The following ATIC variants were observed in gnomAD, a reference collection of about 807,000 sequenced individuals.
ATIC encodes the protein bifunctional purine biosynthesis protein ATIC.
A neutral mutation model predicts 72.5 loss-of-function variants in ATIC; 64 were observed. That is an observed-to-expected ratio of 0.88 (90% CI 0.72 to 1.09). ATIC has a LOEUF of 1.09. Ranked by LOEUF, ATIC falls within the 50% of genes least tolerant of loss-of-function variation. ATIC has a pLI of 0.00. For missense variants in ATIC, 787 were observed against 732.4 expected, an observed-to-expected ratio of 1.07 and a Z score of -0.86; for synonymous variants, 281 against 267.1, an observed-to-expected ratio of 1.05 and a Z score of -0.51.
At chr2:215,321,669 T>C (rs1039470454) in intron 4 of ATIC, among the ~76,000 whole-genome samples, 2 of 152,238 alleles carry the variant, frequency 1.3e-5, no homozygotes, top group Non-Finnish European at 2.9e-5. Context: ...ATTCTAGTCA[T>C]TCTAGGGGTT....
chr2:215,321,148 A>G (rs1440660770), intron 4 of ATIC, among the ~76,000 whole-genome samples: 1 of 152,148 alleles, frequency 6.6e-6, no homozygotes, highest in Non-Finnish European at 1.5e-5. Flanking sequence ...CCATTTCCCC[A>G]ACGTCCTCCA....
chr2:215,352,391 G>A (rs565077927), downstream of ATIC, among the ~76,000 whole-genome samples: 5 of 152,238 alleles, frequency 3.3e-5, no homozygotes, highest in Middle Eastern at 3.4e-3. Context: ...AGACCAGCCT[G>A]GCCAACATAG....
At chr2:215,355,666 A>C in the ATIC span, among the ~76,000 whole-genome samples, 1 of 152,238 alleles carries the variant, frequency 6.6e-6, no homozygotes, top group African/African-American at 2.4e-5. Context: ...CTTTAAAAGA[A>C]ATTGTAATGA....
At chr2:215,360,836 C>G in the ATIC span, 1 of 152,532 alleles carries the variant, frequency 6.6e-6, no homozygotes, top group Non-Finnish European at 1.5e-5. Context: ...CCGAAGGTGT[C>G]TTATATCAAA....
Position 215,326,976 on chromosome 2 carries a change from C to T in ATIC, c.686C>T (p.Thr229Ile), listed in dbSNP as rs1279103815. Reference protein sequence around the residue: ...LYTLQPKLPITVLNGAPGFIN... With the variant: ...LYTLQPKLPIIVLNGAPGFIN... ...ACACTGCAGCCCAAGCTTCCCATCA[C>T]AGGTAAAGCCCGAGCGTTCTGTGGC... The change falls in exon 7 of 16, where the codon ACA becomes ATA. Residue 229 changes from threonine to isoleucine, a missense_variant and splice_region_variant. Transcript: ENST00000236959. 2 of 1,614,202 alleles carry T rather than the reference C, an allele frequency of 1.2e-6. No individual in the cohort carries two copies. The highest frequency in any genetic ancestry group is 3.3e-5 in the Admixed American group (2 of 60,024).
At chr2:215,334,037 G>A (rs1224335835) in intron 9 of ATIC, among the ~76,000 whole-genome samples, 6 of 143,114 alleles carry the variant, frequency 4.2e-5, no homozygotes, top group Admixed American at 1.4e-4. Flanking sequence ...GCGATACTCC[G>A]TCTCAAAAAA....
chr2:215,325,443 G>A (rs896222998), intron 5 of ATIC, 114 bp downstream of exon 5: 55 of 801,510 alleles, frequency 6.9e-5, no homozygotes, highest in South Asian at 9.2e-5. Context: ...GCTACTTCTG[G>A]ATTGTGTTTT....
At chr2:215,353,100 G>A (rs965187625), downstream of ATIC, among the ~76,000 whole-genome samples, 13 of 152,170 alleles carry the variant, frequency 8.5e-5, no homozygotes, top group African/African-American at 1.7e-4. Flanking sequence ...TTAAAAACAC[G>A]GACCATGTTT....
intron 7 of ATIC, among the ~76,000 whole-genome samples, chr2:215,328,223 C>T (rs1022799727): frequency 2.0e-5 from 3 of 152,188 alleles, no homozygotes; most frequent in African/African-American, 7.2e-5. Context: ...TCCCCACAGA[C>T]ACCCTGTGAA....
chr2:215,338,531 T>C (rs1367357141), intron 11 of ATIC, among the ~76,000 whole-genome samples: 36 of 152,216 alleles, frequency 2.4e-4, no homozygotes, highest in Admixed American at 2.3e-3. Context: ...TAGTAAAATC[T>C]ATAAAAGACT....
intron 2 of ATIC, among the ~76,000 whole-genome samples, chr2:215,313,093 G>A (rs940503773): frequency 1.3e-5 from 2 of 152,116 alleles, no homozygotes; most frequent in Admixed American, 1.3e-4. Flanking sequence ...AAAGACCCTG[G>A]ACAACACACT....
chr2:215,353,323 G>A (rs1320184506), downstream of ATIC, among the ~76,000 whole-genome samples: 1 of 151,826 alleles, frequency 6.6e-6, no homozygotes, highest in African/African-American at 2.4e-5. Context: ...TTAACTCCCA[G>A]TTTCTCCCCC....
At chr2:215,338,294 T>G (rs2052979144) in intron 11 of ATIC, among the ~76,000 whole-genome samples, 1 of 152,240 alleles carries the variant, frequency 6.6e-6, no homozygotes, top group Non-Finnish European at 1.5e-5. Flanking sequence ...TTTCTCACTT[T>G]TAGCTTTCAA....
In ATIC at chr2:215,326,009, T is replaced by C. The variant is rs140829407; in HGVS notation, c.402T>C (p.Ala134=). 2.4e-4 allele frequency: 387 copies of C among 1,614,194 alleles called. 2 individuals carry two copies. Among genetic ancestry groups the C allele is most frequent in the Admixed American group, 1.9e-3 (115 of 60,024 alleles). ...IDIGGVTLLR[A]AAKNHARVTV... is the part of the protein sequence containing the mutation. ...AAGGTGGAGTAACCTTACTGAGAGC[T>C]GCAGCCAAAAACCACGCTCGAGTGA... is the stretch of plus-strand genomic sequence containing the variant. The change falls in exon 6 of 16, where the codon GCT becomes GCC. Residue 134 remains alanine (A), a synonymous_variant. Coordinates refer to ENST00000236959, the MANE Select transcript of ATIC (RefSeq NM_004044.7).
chr2:215,361,268 T>C, the ATIC span: 3 of 380,652 alleles, frequency 7.9e-6, no homozygotes, highest in South Asian at 9.4e-5. Context: ...GCTTTCCTAT[T>C]GATCCCAAAC....
At chr2:215,361,599 T>G in the ATIC span, 1 of 1,612,244 alleles carries the variant, frequency 6.2e-7, no homozygotes, top group Non-Finnish European at 8.5e-7. Flanking sequence ...TCTAAAGGCA[T>G]GAAGCACTCA....
chr2:215,317,265 A>G (rs999702434), intron 2 of ATIC, among the ~76,000 whole-genome samples: 1 of 151,992 alleles, frequency 6.6e-6, no homozygotes, highest in Non-Finnish European at 1.5e-5. Flanking sequence ...AAAACTTTTT[A>G]TTTAACATTT....
chr2:215,361,338 C>T, the ATIC span: 1 of 586,184 alleles, frequency 1.7e-6, no homozygotes, highest in Non-Finnish European at 3.1e-6. Flanking sequence ...CGAAGCAGAA[C>T]AGGCAATGTG....
chr2:215,312,649 A>C (rs2052666580), intron 2 of ATIC, 25 bp downstream of exon 2: 3 of 1,613,944 alleles, frequency 1.9e-6, no homozygotes, highest in African/African-American at 1.3e-5. Flanking sequence ...GTTCCATCAG[A>C]AAGGAGTGTG....
Sources: gnomAD v4.1 joint callset for allele counts (sites outside exome capture counted in the v4.1 genomes callset) on GRCh38, gnomAD v4.1.1 for gene constraint, MANE v1.5 for transcripts, NCBI Gene and HGNC (gene_info 2026-07-23, HGNC 2026-07-21) for gene names.